CLASP2: variants seen among roughly 807,000 people sequenced by gnomAD.
The protein encoded by CLASP2 is cytoplasmic linker associated protein 2.
In CLASP2, 47 loss-of-function variants were observed where a neutral mutation model predicts 194.4. The observed-to-expected ratio is 0.24, with a 90% CI of 0.19 to 0.31. The LOEUF (loss-of-function observed/expected upper bound fraction) is 0.31. Among genes scored for constraint, CLASP2 ranks in the 10% least tolerant of loss-of-function variants. CLASP2 has a pLI of 1.00. For missense variants in CLASP2, 1,445 were observed against 1,823.6 expected (o/e 0.79, Z 3.78); for synonymous variants, 619 against 633.5 (o/e 0.98, Z 0.34).
At chr3:33,687,599 A>G (rs2090846403) in intron 4 of CLASP2, among the ~76,000 whole-genome samples, 1 of 152,266 alleles carries the variant, frequency 6.6e-6, no homozygotes, top group African/African-American at 2.4e-5. Context: ...GAGTACACTT[A>G]TAGGCTCTAG....
intron 10 of CLASP2, among the ~76,000 whole-genome samples, chr3:33,624,360 T>C (rs1444532582): frequency 1.3e-5 from 2 of 151,916 alleles, no homozygotes; most frequent in African/African-American, 4.8e-5. Context: ...GGGAAAACTA[T>C]CACAAACAGA....
chr3:33,659,869 G>A (rs1258915826), intron 7 of CLASP2, among the ~76,000 whole-genome samples: 1 of 152,072 alleles, frequency 6.6e-6, no homozygotes, highest in Non-Finnish European at 1.5e-5. Context: ...TTCACCAAAG[G>A]GTATGTTATA....
intron 9 of CLASP2, among the ~76,000 whole-genome samples, chr3:33,630,688 C>T (rs1018825982): frequency 6.6e-5 from 10 of 152,038 alleles, no homozygotes; most frequent in African/African-American, 2.4e-4. Context: ...GTGTGGAACA[C>T]CTTTACAGGG....
chr3:33,649,459 C>A (rs1255752846), intron 7 of CLASP2, among the ~76,000 whole-genome samples: 1 of 152,194 alleles, frequency 6.6e-6, no homozygotes, highest in African/African-American at 2.4e-5. Context: ...TGGAGACTTT[C>A]AGTCTCCAGT....
At chr3:33,712,779 A>T (rs1338569776) in intron 1 of CLASP2, among the ~76,000 whole-genome samples, 1 of 152,066 alleles carries the variant, frequency 6.6e-6, no homozygotes, top group East Asian at 1.9e-4. Flanking sequence ...CCTGGCCAAC[A>T]TGACGAAACC....
At chr3:33,638,789 C>G (rs2080720327) in intron 8 of CLASP2, among the ~76,000 whole-genome samples, 1 of 152,176 alleles carries the variant, frequency 6.6e-6, no homozygotes, top group South Asian at 2.1e-4. Flanking sequence ...ACTTCTACTT[C>G]ATATGGATCA....
intron 34 of CLASP2, among the ~76,000 whole-genome samples, chr3:33,532,843 A>G (rs2056611633): frequency 6.6e-6 from 1 of 152,194 alleles, no homozygotes; most frequent in African/African-American, 2.4e-5. Context: ...AGCTGGGACT[A>G]CTGGCACTGG....
intron 37 of CLASP2, chr3:33,502,193 T>A (rs2047007954): frequency 6.5e-6 from 1 of 154,150 alleles, no homozygotes; most frequent in Non-Finnish European, 1.4e-5. Context: ...AAGTTTTACA[T>A]CTGTTCCATC....
chr3:33,512,805 T>C (rs1463152920), intron 36 of CLASP2, among the ~76,000 whole-genome samples: 1 of 150,310 alleles, frequency 6.7e-6, no homozygotes. Flanking sequence ...CTGGCTAACA[T>C]GGTGAAACCC....
At chr3:33,651,981 A>G (rs1344510947) in intron 7 of CLASP2, among the ~76,000 whole-genome samples, 1 of 152,104 alleles carries the variant, frequency 6.6e-6, no homozygotes, top group Admixed American at 6.6e-5. Flanking sequence ...TTATGGGTAC[A>G]TGTATTCCAA....
chr3:33,516,922 A>G, intron 35 of CLASP2, 59 bp downstream of exon 35: 1 of 1,388,020 alleles, frequency 7.2e-7, no homozygotes, highest in Non-Finnish European at 1.0e-6. Context: ...CATTAGATTA[A>G]CAGGCAATGT....
At chr3:33,639,222 T>A (rs915576769) in intron 8 of CLASP2, among the ~76,000 whole-genome samples, 3 of 152,122 alleles carry the variant, frequency 2.0e-5, no homozygotes, top group African/African-American at 2.4e-5. Context: ...CACACCCAGA[T>A]AATTTTTGTA....
intron 36 of CLASP2, chr3:33,514,665 C>T (rs2050779602): frequency 8.9e-6 from 3 of 338,132 alleles, no homozygotes; most frequent in South Asian, 7.5e-5. Context: ...AGCAATCCCA[C>T]TATTGGGTAT....
At chr3:33,581,794 G>C in intron 23 of CLASP2, 27 bp downstream of exon 23, 1 of 1,501,882 alleles carries the variant, frequency 6.7e-7, no homozygotes, top group South Asian at 1.1e-5. Flanking sequence ...GATAAGCAAT[G>C]CACATAACAC....
chr3:33,636,773 G>C (rs1040327473), intron 8 of CLASP2, among the ~76,000 whole-genome samples: 2 of 152,048 alleles, frequency 1.3e-5, no homozygotes, highest in African/African-American at 4.8e-5. Flanking sequence ...GCTAATTTTT[G>C]TATTTTTAGT....
At chr3:33,673,111 G>A (rs188373945) in intron 6 of CLASP2, among the ~76,000 whole-genome samples, 4 of 152,126 alleles carry the variant, frequency 2.6e-5, no homozygotes, top group African/African-American at 9.7e-5. Flanking sequence ...GATACTCCTC[G>A]TGAAAAGCAA....
intron 8 of CLASP2, among the ~76,000 whole-genome samples, chr3:33,634,391 G>A (rs978343366): frequency 4.6e-5 from 7 of 152,172 alleles, no homozygotes; most frequent in African/African-American, 1.2e-4. Context: ...TATTTTAGGC[G>A]TCAAGGGCTA....
intron 7 of CLASP2, 43 bp from the exon 8 acceptor site, chr3:33,644,946 T>C (rs930470569): frequency 3.2e-6 from 5 of 1,546,208 alleles, no homozygotes; most frequent in Non-Finnish European, 4.4e-6. Context: ...GAACTAAGCT[T>C]TGTTCCATTT....
intron 37 of CLASP2, among the ~76,000 whole-genome samples, chr3:33,509,519 A>C (rs1303381092): frequency 6.6e-6 from 1 of 152,186 alleles, no homozygotes; most frequent in Non-Finnish European, 1.5e-5. Context: ...CCAGCCTATT[A>C]TACTCTGTTC....
Sources: gnomAD v4.1 joint callset for allele counts (sites outside exome capture counted in the v4.1 genomes callset) on GRCh38, gnomAD v4.1.1 for gene constraint, MANE v1.5 for transcripts, NCBI Gene and HGNC (gene_info 2026-07-23, HGNC 2026-07-21) for gene names.